Variants in CSMD3 observed in about 807,000 individuals in gnomAD.
CSMD3 encodes CUB and sushi domain-containing protein 3.
Under a neutral mutation model 435.2 loss-of-function variants are expected in CSMD3, and 177 were observed. That is an observed-to-expected ratio of 0.41 (90% CI 0.36 to 0.46). The LOEUF is 0.46. Among genes scored for constraint, CSMD3 ranks in the 20% least tolerant of loss-of-function variants. CSMD3 has a pLI of 0.34. For missense variants in CSMD3, 4,265 were observed against 4,504.6 expected (o/e 0.95, Z 1.52); for synonymous variants, 1,656 against 1,520.5 (o/e 1.09, Z -2.07).
Position 112,779,333 on chromosome 8 carries a change from C to T in CSMD3, c.1972+20829G>A, listed in dbSNP as rs1005552599. On this transcript the variant is annotated intron_variant, in intron 13 of 70. Coordinates refer to ENST00000297405, the MANE Select transcript of CSMD3 (RefSeq NM_198123.2). ...CATATTTGAGGACAGAATCTACTTTCCTGTCCCTTAAATCTGAGCTTGACA... is the reference window on the plus strand; with the variant it reads ...CATATTTGAGGACAGAATCTACTTTTCTGTCCCTTAAATCTGAGCTTGACA... 3.9e-5 allele frequency among the ~76,000 whole-genome samples: 6 copies of T among 152,054 alleles called. No individual in the cohort carries two copies. The East Asian group carries it at 9.7e-4, about 25-fold the overall frequency.
Position 112,438,495 on chromosome 8 carries a change from C to G in CSMD3, c.5396-29463G>C, listed in dbSNP as rs544453652. Among the ~76,000 whole-genome samples the G allele has an allele frequency of 1.6e-4, 25 of 152,230 alleles. 1 individual carries two copies. The highest frequency in any genetic ancestry group is 3.2e-4 in the Non-Finnish European group (22 of 68,004). On this transcript the variant is annotated intron_variant, in intron 32 of 70. Transcript: ENST00000297405. Reference sequence around the variant, plus strand: ...CTGACATTAGTACTAATTTCAGCATCTCTTTTAACAAAATTTTCTGACTTT... The same window carrying G: ...CTGACATTAGTACTAATTTCAGCATGTCTTTTAACAAAATTTTCTGACTTT...
intron 13 of CSMD3, among the ~76,000 whole-genome samples, chr8:112,707,039 TAA>T (rs1321164433): frequency 6.6e-6 from 1 of 152,022 alleles, no homozygotes; most frequent in African/African-American, 2.4e-5. Flanking sequence ...GCTACCTGTT[TAA>T]AAGAGTTTGC....
chr8:113,239,033 C>T (rs2093181842), intron 3 of CSMD3, among the ~76,000 whole-genome samples: 1 of 152,168 alleles, frequency 6.6e-6, no homozygotes, highest in Admixed American at 6.5e-5. Context: ...CTGTTGAACA[C>T]TCAAATATAC....
intron 25 of CSMD3, among the ~76,000 whole-genome samples, chr8:112,553,030 T>C (rs1482942249): frequency 1.3e-5 from 2 of 152,132 alleles, no homozygotes; most frequent in Non-Finnish European, 2.9e-5. Context: ...ACGATAATTT[T>C]AAAAGGGAAA....
At chr8:113,175,504 A>AT (rs2131899645) in intron 3 of CSMD3, among the ~76,000 whole-genome samples, 1 of 151,872 alleles carries the variant, frequency 6.6e-6, no homozygotes, top group East Asian at 1.9e-4. Flanking sequence ...GTTATTTCTA[A>AT]TTTTTTATTT....
chr8:113,434,793 T>G (rs923699312), intron 1 of CSMD3, among the ~76,000 whole-genome samples: 8 of 152,280 alleles, frequency 5.3e-5, no homozygotes, highest in Non-Finnish European at 1.0e-4. Flanking sequence ...ATACGGTAGG[T>G]GCGGGCAGCC....
intron 1 of CSMD3, among the ~76,000 whole-genome samples, chr8:113,373,753 T>C (rs534680782): frequency 1.3e-5 from 2 of 152,180 alleles, no homozygotes; most frequent in South Asian, 4.1e-4. Context: ...ATTTAAAGCA[T>C]CACATGAAGT....
intron 41 of CSMD3, among the ~76,000 whole-genome samples, chr8:112,343,997 C>CT (rs780266117): frequency 5.3e-5 from 8 of 152,278 alleles, no homozygotes; most frequent in South Asian, 2.1e-4. Context: ...ATTCTGCTGC[C>CT]TCAGCCTCCA....
intron 38 of CSMD3, among the ~76,000 whole-genome samples, chr8:112,365,017 A>G (rs906653744): frequency 2.0e-5 from 3 of 152,146 alleles, no homozygotes; most frequent in African/African-American, 7.2e-5. Context: ...AATACAAGTA[A>G]TGATGTAGCT....
chr8:112,757,822 G>A (rs1307201708), intron 13 of CSMD3, among the ~76,000 whole-genome samples: 1 of 152,074 alleles, frequency 6.6e-6, no homozygotes, highest in Non-Finnish European at 1.5e-5. Context: ...GGGAGGCTGA[G>A]GCAGGAGGAT....
intron 70 of CSMD3, among the ~76,000 whole-genome samples, chr8:112,226,729 A>G (rs906841571): frequency 5.9e-5 from 9 of 152,194 alleles, no homozygotes; most frequent in Admixed American, 2.6e-4. Context: ...AACCTAATTT[A>G]GATATGAACA....
At chr8:112,804,236 G>A (rs2079027422) in intron 12 of CSMD3, among the ~76,000 whole-genome samples, 1 of 152,020 alleles carries the variant, frequency 6.6e-6, no homozygotes, top group Admixed American at 6.5e-5. Context: ...TCAAATTAGA[G>A]GAAGGGTATT....
At chr8:112,469,160 CAAAAAAAAAA>C (rs71309771) in intron 32 of CSMD3, among the ~76,000 whole-genome samples, 1 of 91,642 alleles carries the variant, frequency 1.1e-5, no homozygotes. Context: ...CTACACCAGG[CAAAAAAAAAA>C]AAAAAAAAAA....
At chr8:112,556,156 A>G (rs189518837) in intron 25 of CSMD3, among the ~76,000 whole-genome samples, 3 of 152,096 alleles carry the variant, frequency 2.0e-5, no homozygotes, top group East Asian at 1.9e-4. Flanking sequence ...ATATTTGTCT[A>G]TCTACCTTCC....
intron 31 of CSMD3, among the ~76,000 whole-genome samples, chr8:112,480,576 G>A (rs762402744): frequency 4.6e-5 from 7 of 152,110 alleles, no homozygotes; most frequent in Non-Finnish European, 1.5e-5. Flanking sequence ...CCTTGCGATA[G>A]TGAGTGAGTT....
intron 9 of CSMD3, among the ~76,000 whole-genome samples, chr8:112,930,406 A>G (rs113473918): frequency 6.6e-6 from 1 of 152,250 alleles, no homozygotes; most frequent in African/African-American, 2.4e-5. Flanking sequence ...AAGCCCCAGA[A>G]GACTGTGGCT....
chr8:113,345,456 G>A (rs532039869), intron 1 of CSMD3, among the ~76,000 whole-genome samples: 1 of 152,202 alleles, frequency 6.6e-6, no homozygotes, highest in East Asian at 1.9e-4. Flanking sequence ...CACTATGTGT[G>A]ATGTATAGGC....
chr8:112,571,516 T>C (rs948031123), intron 24 of CSMD3, among the ~76,000 whole-genome samples: 5 of 151,904 alleles, frequency 3.3e-5, no homozygotes, highest in Admixed American at 6.6e-5. Flanking sequence ...ACATAGATAT[T>C]ATGTATCAAA....
At chr8:112,557,799 T>G (rs1472494819) in intron 24 of CSMD3, among the ~76,000 whole-genome samples, 1 of 151,932 alleles carries the variant, frequency 6.6e-6, no homozygotes, top group Non-Finnish European at 1.5e-5. Context: ...AATAAACCAA[T>G]AAAGGTGAGT....
Sources: allele counts gnomAD v4.1 joint callset (sites outside exome capture counted in the v4.1 genomes callset), GRCh38; gene constraint gnomAD v4.1.1; transcripts MANE v1.5; gene names NCBI Gene and HGNC (gene_info 2026-07-23, HGNC 2026-07-21).